Variants in PUM3 observed in about 807,000 individuals in gnomAD.
PUM3 encodes the protein pumilio homolog 3.
Under a neutral mutation model 84.0 loss-of-function variants are expected in PUM3, and 91 were observed. That is an observed-to-expected ratio of 1.08 (90% CI 0.91 to 1.29). The LOEUF is 1.29. Ranked by LOEUF, PUM3 falls within the 50% of genes most tolerant of loss-of-function variation. PUM3 has a pLI of 0.00. For missense variants in PUM3, 1,067 were observed against 767.5 expected (o/e 1.39, Z -4.61); for synonymous variants, 321 against 266.7 (o/e 1.20, Z -1.98).
Position 2,810,870 on chromosome 9 carries a change from C to T in PUM3, c.1636-439G>A, listed in dbSNP as rs114812159. On this transcript the variant is annotated intron_variant, in intron 15 of 17. Transcript: ENST00000397885. ...CCACCGAAGGGGATTATCTGATGAGCGAATCAAGAAAGCATCTTTTCAGCT... is the reference window on the plus strand; with the variant it reads ...CCACCGAAGGGGATTATCTGATGAGTGAATCAAGAAAGCATCTTTTCAGCT... 4.7e-3 allele frequency among the ~76,000 whole-genome samples: 719 copies of T among 152,302 alleles called. 8 individuals are homozygous for T. The highest frequency in any genetic ancestry group is 0.016 in the African/African-American group (680 of 41,562).
intron 13 of PUM3, among the ~76,000 whole-genome samples, chr9:2,813,798 C>G (rs1021252618): frequency 2.6e-5 from 4 of 151,968 alleles, no homozygotes. Context: ...TTTAAAATCT[C>G]AACCTTCCCT....
Position 2,823,717 on chromosome 9 carries a change from A to G in PUM3, c.1188+64T>C, listed in dbSNP as rs917783495. On this transcript the variant is annotated intron_variant, in intron 12 of 17. Coordinates refer to ENST00000397885, the MANE Select transcript of PUM3 (RefSeq NM_014878.5). ...TTTTCTGAATTTTTCCAAATTTTCT[A>G]TAATAGACATGAATTCATCTTACTA... 8 of 688,906 alleles carry G rather than the reference A, an allele frequency of 1.2e-5. No individual in the cohort carries two copies. The Admixed American group carries it at 1.4e-4, about 12-fold the overall frequency. 42.7% of individuals were successfully genotyped at this position (688,906 alleles called of 1,614,324 possible). A position where few individuals can be genotyped will look rare whatever the true frequency, so the allele number is the denominator to read the frequency against.
At position 2,820,088 on chromosome 9, in the gene PUM3, G is replaced by C; in HGVS notation, c.1199C>G (p.Ser400Cys). ...AAATGCCGCCAGTAAAACCAAATGGGAGTATTGGCCCTGCAAGAATTGGAA... is the reference window on the plus strand; with the variant it reads ...AAATGCCGCCAGTAAAACCAAATGGCAGTATTGGCCCTGCAAGAATTGGAA... The part of the protein sequence containing the change: ...YVEKVANGQY[S>C]HLVLLAAFDC... Residue 400 changes from serine (S) to cysteine (C), a missense_variant, in exon 13 of 18, where the codon TCC becomes TGC. Coordinates refer to ENST00000397885, the MANE Select transcript of PUM3 (RefSeq NM_014878.5). 1 of 1,609,704 alleles carries C rather than the reference G, an allele frequency of 6.2e-7. No homozygotes were observed. The highest frequency in any genetic ancestry group is 8.5e-7 in the Non-Finnish European group (1 of 1,176,782).
At chr9:2,834,924 T>C (rs1051645783) in intron 3 of PUM3, among the ~76,000 whole-genome samples, 1 of 151,716 alleles carries the variant, frequency 6.6e-6, no homozygotes, top group African/African-American at 2.4e-5. Context: ...AAATGGGTAT[T>C]ATTTACATGA....
chr9:2,835,734 C>T (rs1476047756), intron 3 of PUM3, among the ~76,000 whole-genome samples: 29 of 152,092 alleles, frequency 1.9e-4, no homozygotes, highest in Admixed American at 1.9e-3. Context: ...GGCTGCAGTA[C>T]ATTTATCAGT....
intron 10 of PUM3, among the ~76,000 whole-genome samples, chr9:2,825,891 C>T (rs1483768317): frequency 1.3e-5 from 2 of 152,146 alleles, no homozygotes; most frequent in African/African-American, 2.4e-5. Context: ...TAAATAAATA[C>T]AAAGCCTCAT....
chr9:2,830,812 AT>A (rs1407393150), intron 7 of PUM3, 149 bp downstream of exon 7: 10 of 561,596 alleles, frequency 1.8e-5, no homozygotes, highest in Middle Eastern at 4.7e-4. Context: ...ATTTAAGATG[AT>A]ACTCTCTAAA....
chr9:2,822,448 T>C (rs1815671608), intron 12 of PUM3, among the ~76,000 whole-genome samples: 1 of 151,976 alleles, frequency 6.6e-6, no homozygotes, highest in Non-Finnish European at 1.5e-5. Flanking sequence ...ATCAAATCCA[T>C]GGGTAACGTT....
In PUM3 at chr9:2,828,726, A is replaced by T. The variant is rs137936878; in HGVS notation, c.905T>A (p.Leu302Ter). ...DKVLEVQPEK[L>*]ELIMDEMKQI... Reference sequence around the variant, plus strand: ...TTTCATTTCATCCATAATAAGTTCTAATTTTTCTGGCTGTACCTCTAACAC... The same window carrying T: ...TTTCATTTCATCCATAATAAGTTCTTATTTTTCTGGCTGTACCTCTAACAC... The change falls in exon 9 of 18, where the codon TTA (leucine) becomes TAA (stop). Residue 302 changes from leucine to a stop codon, truncating the protein, a stop_gained. Coordinates refer to ENST00000397885, the MANE Select transcript of PUM3 (RefSeq NM_014878.5). LOFTEE classifies it high-confidence loss of function. 9.2e-4 allele frequency: 1,486 copies of T among 1,609,784 alleles called. No homozygotes were observed. Among genetic ancestry groups the T allele is most frequent in the Non-Finnish European group, 1.2e-3 (1,433 of 1,176,192 alleles).
At position 2,812,378 on chromosome 9, in the gene PUM3, CA is replaced by C. The variant is rs568234761; in HGVS notation, c.1270-17del. ...TGATAATTTCCTATAAAATTATAAA[CA>C]AAAAAAAAGAATCAATATCTGCATT... is the stretch of plus-strand genomic sequence containing the variant. On this transcript the variant is annotated splice_polypyrimidine_tract_variant and intron_variant, in intron 13 of 17. Coordinates refer to ENST00000397885, the MANE Select transcript of PUM3 (RefSeq NM_014878.5). The C allele has an allele frequency of 2.1e-4, 308 of 1,469,010 alleles. No homozygotes were observed. Among genetic ancestry groups the C allele is most frequent in the Admixed American group, 3.9e-4 (19 of 48,304 alleles). The allele number at this position is 1,469,010 out of a possible 1,614,324, so 91.0% of individuals were successfully genotyped here. A position where few individuals can be genotyped will look rare whatever the true frequency, so the allele number is the denominator to read the frequency against.
At chr9:2,839,858 T>C (rs1280247277) in intron 1 of PUM3, among the ~76,000 whole-genome samples, 1 of 152,234 alleles carries the variant, frequency 6.6e-6, no homozygotes, top group East Asian at 1.9e-4. Flanking sequence ...GAAATAATTT[T>C]AGCTTTACAA....
intron 5 of PUM3, among the ~76,000 whole-genome samples, chr9:2,832,559 C>T (rs552611748): frequency 6.6e-6 from 1 of 152,304 alleles, no homozygotes; most frequent in African/African-American, 2.4e-5. Flanking sequence ...GAATACCAAA[C>T]TCACTTCTAA....
intron 15 of PUM3, among the ~76,000 whole-genome samples, chr9:2,811,074 TC>T (rs1586717287): frequency 6.6e-6 from 1 of 152,274 alleles, no homozygotes; most frequent in South Asian, 2.1e-4. Flanking sequence ...ATGGCCCACT[TC>T]TCTTCCCCAA....
At chr9:2,826,999 T>C (rs1412025068) in intron 10 of PUM3, 74 bp downstream of exon 10, 14 of 1,144,262 alleles carry the variant, frequency 1.2e-5, no homozygotes, top group Non-Finnish European at 1.7e-5. Context: ...ACAACGTACA[T>C]CAAAGCAGTT....
intron 5 of PUM3, 90 bp from the exon 6 acceptor site, chr9:2,831,434 A>G: frequency 1.2e-6 from 1 of 822,302 alleles, no homozygotes; most frequent in Non-Finnish European, 2.0e-6. Flanking sequence ...ATTTCTTGTT[A>G]GAAAAAAAGG....
intron 3 of PUM3, among the ~76,000 whole-genome samples, chr9:2,836,664 CTG>C (rs1165160994): frequency 6.6e-6 from 1 of 152,132 alleles, no homozygotes; most frequent in Non-Finnish European, 1.5e-5. Flanking sequence ...GGCCTAAGCT[CTG>C]TGAAGGCAGG....
chr9:2,824,791 C>A lies in PUM3; in HGVS notation c.1060G>T (p.Ala354Ser), dbSNP rs1321475805. ...TGTGTGTGTGCCAGGTAGACCACCG[C>A]TTCGCGGATGGCTTCAATCATTTCC... ...RSEMIEAIRE[A>S]VVYLAHTHDG... The change falls in exon 11 of 18, where the codon GCG becomes TCG. Residue 354 changes from alanine to serine, a missense_variant. Coordinates refer to ENST00000397885, the MANE Select transcript of PUM3 (RefSeq NM_014878.5). The A allele has an allele frequency of 1.9e-6, 3 of 1,576,938 alleles. No individual in the cohort carries two copies. In the African/African-American group the frequency reaches 4.0e-5, roughly 21 times the overall value.
intron 3 of PUM3, among the ~76,000 whole-genome samples, chr9:2,836,783 T>A (rs1223393838): frequency 6.6e-6 from 1 of 152,196 alleles, no homozygotes; most frequent in African/African-American, 2.4e-5. Context: ...GGGGCCTGTA[T>A]CCTTACTGAT....
chr9:2,838,565 A>C (rs1015108762), intron 1 of PUM3, 48 bp from the exon 2 acceptor site: 2 of 1,118,804 alleles, frequency 1.8e-6, no homozygotes, highest in Non-Finnish European at 2.7e-6. Context: ...AGTTCTCTTC[A>C]TCAAATAAGA....
Sources: allele counts gnomAD v4.1 joint callset (sites outside exome capture counted in the v4.1 genomes callset), GRCh38; gene constraint gnomAD v4.1.1; transcripts MANE v1.5; gene names NCBI Gene and HGNC (gene_info 2026-07-23, HGNC 2026-07-21).